Variants in DLG2 observed in about 807,000 individuals in gnomAD.
DLG2 encodes the protein disks large homolog 2.
A neutral mutation model predicts 132.5 loss-of-function variants in DLG2; 45 were observed. The observed-to-expected ratio is 0.34, with a 90% CI of 0.27 to 0.44. DLG2 has a LOEUF of 0.44. DLG2 is among the 20% of genes least tolerant of loss of function. DLG2 has a pLI of 1.00. For synonymous variants in DLG2, 424 were observed against 419.6 expected, an observed-to-expected ratio of 1.01 and a Z score of -0.13; for missense variants, 1,045 against 1,196.9, an observed-to-expected ratio of 0.87 and a Z score of 1.87.
chr11:84,110,399 T>C (rs1436161466), intron 9 of DLG2, among the ~76,000 whole-genome samples: 1 of 152,178 alleles, frequency 6.6e-6, no homozygotes, highest in Admixed American at 6.5e-5. Flanking sequence ...TATCAATTTT[T>C]AAATGTTAGA....
chr11:83,686,854 A>T (rs2079881944), intron 18 of DLG2, among the ~76,000 whole-genome samples: 1 of 152,166 alleles, frequency 6.6e-6, no homozygotes, highest in South Asian at 2.1e-4. Flanking sequence ...CCCAAAATTC[A>T]CATGTTGAAG....
chr11:85,099,897 C>T (rs898509626), intron 6 of DLG2, among the ~76,000 whole-genome samples: 1 of 152,152 alleles, frequency 6.6e-6, no homozygotes, highest in South Asian at 2.1e-4. Flanking sequence ...GGACCTGGCA[C>T]TCCATAACCA....
chr11:84,332,178 A>G (rs1336746368), intron 7 of DLG2, among the ~76,000 whole-genome samples: 1 of 150,860 alleles, frequency 6.6e-6, no homozygotes, highest in Non-Finnish European at 1.5e-5. Flanking sequence ...TACAACTTCC[A>G]ATTGAAGACA....
intron 4 of DLG2, among the ~76,000 whole-genome samples, chr11:85,268,927 TA>T (rs2077370448): frequency 6.6e-6 from 1 of 152,248 alleles, no homozygotes; most frequent in African/African-American, 2.4e-5. Flanking sequence ...GATAGAATTT[TA>T]AGGAAGTATA....
At chr11:83,922,750 T>G (rs1371747997) in intron 15 of DLG2, among the ~76,000 whole-genome samples, 1 of 152,100 alleles carries the variant, frequency 6.6e-6, no homozygotes, top group Non-Finnish European at 1.5e-5. Flanking sequence ...TGAGCTTGGA[T>G]GTGAGAATGC....
intron 22 of DLG2, among the ~76,000 whole-genome samples, chr11:83,481,402 AT>A (rs948986855): frequency 6.6e-6 from 1 of 151,944 alleles, no homozygotes; most frequent in African/African-American, 2.4e-5. Context: ...TGACTATTTG[AT>A]TTCTGAAGCT....
chr11:85,043,994 G>C (rs2062089583), intron 6 of DLG2, among the ~76,000 whole-genome samples: 1 of 151,720 alleles, frequency 6.6e-6, no homozygotes, highest in African/African-American at 2.4e-5. Flanking sequence ...AATAAACACT[G>C]GCCATATTCC....
chr11:84,929,474 C>T (rs1348010782), intron 6 of DLG2, among the ~76,000 whole-genome samples: 1 of 152,088 alleles, frequency 6.6e-6, no homozygotes, highest in Non-Finnish European at 1.5e-5. Flanking sequence ...AAAATTCCAT[C>T]AATGGCATAA....
chr11:83,844,967 C>T (rs2058339133), intron 16 of DLG2, among the ~76,000 whole-genome samples: 1 of 152,114 alleles, frequency 6.6e-6, no homozygotes, highest in Non-Finnish European at 1.5e-5. Context: ...ATAGCACATT[C>T]TGGTATCTTG....
chr11:84,377,019 GT>G, intron 7 of DLG2, among the ~76,000 whole-genome samples: 1 of 152,024 alleles, frequency 6.6e-6, no homozygotes, highest in Admixed American at 6.5e-5. Context: ...TAATGTAAGG[GT>G]CAGGCTGACA....
intron 8 of DLG2, among the ~76,000 whole-genome samples, chr11:84,165,728 T>C (rs570828931): frequency 1.3e-5 from 2 of 152,140 alleles, no homozygotes; most frequent in South Asian, 4.1e-4. Context: ...TGAAACCCCG[T>C]CTCTACTAAA....
At chr11:84,740,222 C>CG (rs1310278399) in intron 6 of DLG2, among the ~76,000 whole-genome samples, 2 of 151,892 alleles carry the variant, frequency 1.3e-5, no homozygotes, top group South Asian at 2.1e-4. Context: ...TGGAAGCCCC[C>CG]GGGGGCAGCA....
rs184856607 is a variant in DLG2, at chr11:84,731,531, C to T, written c.358-196800G>A. 5.9e-5 allele frequency among the ~76,000 whole-genome samples: 9 copies of T among 151,624 alleles called. No homozygotes were observed. The East Asian group carries it at 1.2e-3, about 20-fold the overall frequency. The stretch of plus-strand genomic sequence containing the variant: ...AATAAGTGGGAATTAACTAGACAAA[C>T]GGAAAGGGGAAAAGCATCTCAAATA... On this transcript the variant is annotated intron_variant, in intron 6 of 27. Transcript: ENST00000376104.
intron 7 of DLG2, among the ~76,000 whole-genome samples, chr11:84,451,765 G>C (rs958232559): frequency 6.6e-6 from 1 of 151,766 alleles, no homozygotes; most frequent in African/African-American, 2.4e-5. Context: ...GAAAAATGTA[G>C]TCTCTTCAAT....
In DLG2 at chr11:84,118,317, G is replaced by A. The variant is rs530786117; in HGVS notation, c.625-19270C>T. Among the ~76,000 whole-genome samples, 9 of 152,320 alleles carry A rather than the reference G, an allele frequency of 5.9e-5. No individual in the cohort carries two copies. The East Asian group carries it at 1.5e-3, about 26-fold the overall frequency. On this transcript the variant is annotated intron_variant, in intron 9 of 27. Transcript: ENST00000376104. ...GCATCAAATGTGTACTAGAGTAACA[G>A]TTTGCCCGATGGAAGCCTGAGAAAC... is the stretch of plus-strand genomic sequence containing the variant.
chr11:84,083,057 A>T (rs1835056460), intron 10 of DLG2, among the ~76,000 whole-genome samples: 1 of 152,178 alleles, frequency 6.6e-6, no homozygotes, highest in South Asian at 2.1e-4. Context: ...AGGCGGGTAG[A>T]TCACCTGAGG....
At chr11:85,231,702 G>A (rs1277503856) in intron 4 of DLG2, among the ~76,000 whole-genome samples, 2 of 151,814 alleles carry the variant, frequency 1.3e-5, no homozygotes, top group African/African-American at 4.8e-5. Context: ...ATCCTATCAA[G>A]ACTTCTTTAA....
At chr11:85,258,449 A>C (rs75175062) in intron 4 of DLG2, among the ~76,000 whole-genome samples, 1 of 152,314 alleles carries the variant, frequency 6.6e-6, no homozygotes, top group East Asian at 1.9e-4. Context: ...AAATTCAAGC[A>C]ACTGAAATAT....
chr11:83,949,767 C>T (rs2084937657), intron 14 of DLG2, among the ~76,000 whole-genome samples: 1 of 152,114 alleles, frequency 6.6e-6, no homozygotes, highest in Non-Finnish European at 1.5e-5. Flanking sequence ...TGTGCCTAGA[C>T]TTATCCAGTT....
Sources: gnomAD v4.1 joint callset for allele counts (sites outside exome capture counted in the v4.1 genomes callset) on GRCh38, gnomAD v4.1.1 for gene constraint, MANE v1.5 for transcripts, NCBI Gene and HGNC (gene_info 2026-07-23, HGNC 2026-07-21) for gene names.